NCSTN: variants seen among roughly 807,000 people sequenced by gnomAD.
The protein encoded by NCSTN is anterior pharynx-defective 2.
A neutral mutation model predicts 87.0 loss-of-function variants in NCSTN; 22 were observed. The ratio of observed to expected loss-of-function variants is 0.25; its 90% CI spans 0.18 to 0.36. The LOEUF (loss-of-function observed/expected upper bound fraction) is 0.36, where lower values mean the gene tolerates loss of function less well. NCSTN is among the 10% of genes least tolerant of loss of function. NCSTN has a pLI of 1.00. For missense variants in NCSTN, 693 were observed against 883.3 expected (o/e 0.78, Z 2.73); for synonymous variants, 306 against 327.1 (o/e 0.94, Z 0.69).
chr1:160,348,257 T>C (rs1189267240), intron 2 of NCSTN, among the ~76,000 whole-genome samples: 1 of 152,216 alleles, frequency 6.6e-6, no homozygotes, highest in Non-Finnish European at 1.5e-5. Context: ...AATACAGTGC[T>C]TCCCAATCTT....
In NCSTN at chr1:160,343,387, G is replaced by A; in HGVS notation, c.-10G>A. Reference sequence around the variant, plus strand: ...GCCGAACGGGGGCTTCCGCTCAGCAGAGAGGCAAGATGGCTACGGCAGGGG... The same window carrying A: ...GCCGAACGGGGGCTTCCGCTCAGCAAAGAGGCAAGATGGCTACGGCAGGGG... On this transcript the variant is annotated 5_prime_UTR_variant, in exon 1 of 17. Coordinates refer to ENST00000294785, the MANE Select transcript of NCSTN (RefSeq NM_015331.3). 1 of 1,613,036 alleles carries A rather than the reference G, an allele frequency of 6.2e-7. No homozygotes were observed. Among genetic ancestry groups the A allele is most frequent in the Non-Finnish European group, 8.5e-7 (1 of 1,179,658 alleles).
chr1:160,353,809 A>C, intron 10 of NCSTN: 4 of 793,804 alleles, frequency 5.0e-6, no homozygotes, highest in Non-Finnish European at 6.1e-6. Flanking sequence ...TCAATTCTGC[A>C]CAATAAATAA....
At chr1:160,346,727 T>A (rs1295348487) in intron 2 of NCSTN, among the ~76,000 whole-genome samples, 1 of 152,124 alleles carries the variant, frequency 6.6e-6, no homozygotes, top group African/African-American at 2.4e-5. Context: ...TGTCTCAGCT[T>A]CTTGAATAGC....
At chr1:160,352,543 A>C (rs943645402) in intron 8 of NCSTN, among the ~76,000 whole-genome samples, 3 of 152,126 alleles carry the variant, frequency 2.0e-5, no homozygotes, top group Non-Finnish European at 4.4e-5. Flanking sequence ...GACTCTCATC[A>C]CTAGGACCAC....
chr1:160,348,911 T>C (rs1256121065), intron 2 of NCSTN, 88 bp from the exon 3 acceptor site: 1 of 1,577,746 alleles, frequency 6.3e-7, no homozygotes, highest in Non-Finnish European at 8.7e-7. Flanking sequence ...GTGACATCTT[T>C]AGGGGATAAA....
Position 160,358,132 on chromosome 1 carries a change from C to T in NCSTN, c.2008-17C>T, listed in dbSNP as rs769128075. 8 of 1,613,974 alleles carry T rather than the reference C, an allele frequency of 5.0e-6. No individual in the cohort carries two copies. Among genetic ancestry groups the T allele is most frequent in the East Asian group, 4.5e-5 (2 of 44,892 alleles). On this transcript the variant is annotated splice_polypyrimidine_tract_variant and intron_variant, in intron 16 of 16. Transcript: ENST00000294785. ...TGAGAATGCCTTTGTCCTTTCCTGC[C>T]CTCCCTCCCCCTGCAGTTGATCACC...
chr1:160,353,810 C>T (rs1571208359), intron 10 of NCSTN: 1 of 790,630 alleles, frequency 1.3e-6, no homozygotes, highest in African/African-American at 1.9e-5. Context: ...CAATTCTGCA[C>T]AATAAATAAT....
At chr1:160,345,772 A>C (rs975320368) in intron 2 of NCSTN, among the ~76,000 whole-genome samples, 3 of 151,152 alleles carry the variant, frequency 2.0e-5, no homozygotes, top group Non-Finnish European at 1.5e-5. Flanking sequence ...CCCCATCTCT[A>C]CTAAAAATAC....
At position 160,354,256 on chromosome 1, in the gene NCSTN, G is replaced by C. The variant is rs778483708; in HGVS notation, c.1318G>C (p.Val440Leu). Residue 440 changes from valine to leucine, a missense_variant, in exon 11 of 17, where the codon GTT (valine) becomes CTT (leucine). Coordinates refer to ENST00000294785, the MANE Select transcript of NCSTN (RefSeq NM_015331.3). The stretch of plus-strand genomic sequence containing the variant: ...TCGAGCTCGAAACATCTCTGGCGTT[G>C]TTCTGGCTGACCACTCTGGTGCCTT... ...FLRARNISGV[V>L]LADHSGAFHN... is the part of the protein sequence containing the mutation. The C allele has an allele frequency of 1.6e-5, 26 of 1,614,020 alleles. No homozygotes were observed. The highest frequency in any genetic ancestry group is 2.2e-5 in the Non-Finnish European group (26 of 1,180,040).
At chr1:160,351,435 C>T in intron 6 of NCSTN, 63 bp downstream of exon 6, 3 of 1,563,328 alleles carry the variant, frequency 1.9e-6, no homozygotes, top group Non-Finnish European at 2.6e-6. Context: ...GGAACCAGGC[C>T]AGGGAATGTT....
chr1:160,353,632 C>T, intron 10 of NCSTN: 4 of 1,180,142 alleles, frequency 3.4e-6, no homozygotes, highest in Non-Finnish European at 4.2e-6. Context: ...TTGTTCAAAA[C>T]CTTCCCTTCC....
intron 10 of NCSTN, 136 bp downstream of exon 10, chr1:160,353,373 G>A: frequency 6.5e-7 from 1 of 1,547,812 alleles, no homozygotes; most frequent in Non-Finnish European, 8.7e-7. Context: ...TTGGCCAAAG[G>A]ATGAACACCA....
chr1:160,358,052 C>T (rs1335047776), intron 16 of NCSTN, 97 bp from the exon 17 acceptor site: 18 of 1,532,792 alleles, frequency 1.2e-5, no homozygotes, highest in Admixed American at 1.0e-4. Context: ...AGCCAGCATC[C>T]GAATTCCCAT....
At position 160,356,468 on chromosome 1, in the gene NCSTN, CCTTT is replaced by C. The variant is rs987569284; in HGVS notation, c.1640-124_1640-121del. ...CTCTGTTTTTCTTACCCCCTGTTTT[CCTTT>C]CTTTCTTCTCATATTTGATGGATCC... On this transcript the variant is annotated intron_variant, in intron 14 of 16. Coordinates refer to ENST00000294785, the MANE Select transcript of NCSTN (RefSeq NM_015331.3). 97 of 1,385,164 alleles carry C rather than the reference CCTTT, an allele frequency of 7.0e-5. No homozygotes were observed. In the African/African-American group the frequency reaches 8.8e-4, roughly 13 times the overall value. 85.8% of individuals were successfully genotyped at this position (1,385,164 alleles called of 1,614,324 possible).
intron 8 of NCSTN, 107 bp downstream of exon 8, chr1:160,352,313 C>G: frequency 7.2e-7 from 1 of 1,397,736 alleles, no homozygotes; most frequent in Non-Finnish European, 1.0e-6. Context: ...AAGTTGTTAA[C>G]CAGCACAGAG....
chr1:160,354,288 CAAGT>C lies in NCSTN; in HGVS notation c.1352+2_1352+5del. On this transcript the variant is annotated splice_donor_variant and coding_sequence_variant, in exon 11 of 17. Coordinates refer to ENST00000294785, the MANE Select transcript of NCSTN (RefSeq NM_015331.3). LOFTEE classifies it high-confidence loss of function. ...CTGACCACTCTGGTGCCTTCCATAA[CAAGT>C]AAGAATCACTTGGCCCTGCACCCTC... 6.2e-7 allele frequency: 1 copy of C among 1,614,112 alleles called. No individual in the cohort carries two copies. The highest frequency in any genetic ancestry group is 8.5e-7 in the Non-Finnish European group (1 of 1,179,972).
chr1:160,357,219 C>T lies in NCSTN; in HGVS notation c.1973C>T (p.Ala658Val), dbSNP rs747529669. ...GAGAGCCGCTGGAAAGATATCCGTG[C>T]CCGGATATTTCTCATCGCCAGCAAA... The part of the protein sequence containing the change: ...WTESRWKDIR[A>V]RIFLIASKEL... Residue 658 changes from alanine (A) to valine (V), a missense_variant, in exon 16 of 17, where the codon GCC becomes GTC. Physicochemically the swap from Ala to Val is moderately conservative, Grantham distance 64. This residue lies in a region of NCSTN where 216 missense variants were observed against 311.7 expected (regional missense o/e 0.69). Transcript: ENST00000294785. The T allele has an allele frequency of 1.9e-6, 3 of 1,613,882 alleles. No homozygotes were observed. Among genetic ancestry groups the T allele is most frequent in the Non-Finnish European group, 2.5e-6 (3 of 1,179,998 alleles).
At chr1:160,355,410 T>C (rs1393060512) in intron 11 of NCSTN, among the ~76,000 whole-genome samples, 1 of 152,242 alleles carries the variant, frequency 6.6e-6, no homozygotes, top group Non-Finnish European at 1.5e-5. Flanking sequence ...TTTAAAGATC[T>C]GAGCTCATTC....
intron 11 of NCSTN, among the ~76,000 whole-genome samples, chr1:160,355,356 C>G (rs777520171): frequency 6.6e-6 from 1 of 152,148 alleles, no homozygotes; most frequent in Non-Finnish European, 1.5e-5. Flanking sequence ...CTTAGCCATC[C>G]CCCATATCTC....
Sources: allele counts gnomAD v4.1 joint callset (sites outside exome capture counted in the v4.1 genomes callset), GRCh38; gene constraint gnomAD v4.1.1; regional missense constraint gnomAD v4.1.1; transcripts MANE v1.5; gene names NCBI Gene and HGNC (gene_info 2026-07-23, HGNC 2026-07-21).